Variants in DCDC1 observed in about 807,000 individuals in gnomAD.
DCDC1 encodes the protein doublecortin domain-containing protein 1.
DCDC1 carries 200 observed loss-of-function variants against 178.3 expected under a neutral mutation model. That is an observed-to-expected ratio of 1.12 (90% CI 1.00 to 1.26). The LOEUF is 1.26. Among genes scored for constraint, DCDC1 ranks in the 50% most tolerant of loss-of-function variants. The pLI is 0.00. For synonymous variants in DCDC1, 690 were observed against 604.8 expected (o/e 1.14, Z -2.07); for missense variants, 1,983 against 1,749.2 (o/e 1.13, Z -2.38).
At chr11:31,291,547 T>A (rs1401368723) in intron 6 of DCDC1, among the ~76,000 whole-genome samples, 8 of 152,082 alleles carry the variant, frequency 5.3e-5, no homozygotes, top group African/African-American at 1.9e-4. Context: ...TTCGAAAATG[T>A]AAGGGTAAGA....
At chr11:31,214,092 TA>T (rs1461775536) in intron 9 of DCDC1, among the ~76,000 whole-genome samples, 1 of 149,230 alleles carries the variant, frequency 6.7e-6, no homozygotes, top group East Asian at 2.1e-4. Context: ...AAAAGATGGA[TA>T]AAAACATTAA....
At chr11:31,268,224 T>C (rs962924958) in intron 7 of DCDC1, among the ~76,000 whole-genome samples, 2 of 152,226 alleles carry the variant, frequency 1.3e-5, no homozygotes, top group East Asian at 3.8e-4. Flanking sequence ...AATATCTAAG[T>C]ATCCTCTAAA....
rs1467783016 is a variant in DCDC1, at chr11:31,050,389, T to C, written c.2591+14080A>G. Among the ~76,000 whole-genome samples, 3 of 152,128 alleles carry C rather than the reference T, an allele frequency of 2.0e-5. No individual in the cohort carries two copies. The East Asian group carries it at 5.8e-4, about 29-fold the overall frequency. On this transcript the variant is annotated intron_variant, in intron 20 of 38. Coordinates refer to ENST00000684477, the MANE Select transcript of DCDC1 (RefSeq NM_001387274.1). Reference sequence around the variant, plus strand: ...GTCTGAGCTCAGACACGCCTACCCCTGCCCCCACCTGATGGTCCTTCCCTA... The same window carrying C: ...GTCTGAGCTCAGACACGCCTACCCCCGCCCCCACCTGATGGTCCTTCCCTA...
chr11:31,287,508 C>T (rs1336345287), intron 7 of DCDC1, among the ~76,000 whole-genome samples: 1 of 151,628 alleles, frequency 6.6e-6, no homozygotes, highest in Non-Finnish European at 1.5e-5. Context: ...CCTGAGTATC[C>T]AGCACATCTT....
Position 31,284,708 on chromosome 11 carries a change from G to A in DCDC1, c.960+5939C>T, listed in dbSNP as rs551436325. Among the ~76,000 whole-genome samples the A allele has an allele frequency of 6.6e-5, 10 of 151,244 alleles. No homozygotes were observed. The East Asian group carries it at 1.9e-3, about 29-fold the overall frequency. On this transcript the variant is annotated intron_variant, in intron 7 of 38. Coordinates refer to ENST00000684477, the MANE Select transcript of DCDC1 (RefSeq NM_001387274.1). ...GTCTGGAGTGCAGTGGCACGATCTT[G>A]GCTCACTGCAGCCTCTGCCTCTAAG...
At chr11:31,328,633 C>A (rs566787721) in intron 2 of DCDC1, among the ~76,000 whole-genome samples, 3 of 151,854 alleles carry the variant, frequency 2.0e-5, no homozygotes, top group African/African-American at 4.8e-5. Context: ...CCCGTCTCTA[C>A]TAAAAATACA....
intron 9 of DCDC1, among the ~76,000 whole-genome samples, chr11:31,227,149 T>A (rs578175293): frequency 6.6e-6 from 1 of 152,296 alleles, no homozygotes; most frequent in African/African-American, 2.4e-5. Context: ...TTAGGCCATT[T>A]TTGCATTGCT....
intron 13 of DCDC1, among the ~76,000 whole-genome samples, chr11:31,104,936 A>G (rs532865365): frequency 6.6e-6 from 1 of 152,242 alleles, no homozygotes; most frequent in African/African-American, 2.4e-5. Flanking sequence ...AGGAAAAATA[A>G]AATATTCAAA....
rs556553956 is a variant in DCDC1 at position 31,086,014 on chromosome 11, T to C, written c.2237+5379A>G. 2.0e-5 allele frequency among the ~76,000 whole-genome samples: 3 copies of C among 152,266 alleles called. No homozygotes were observed. In the South Asian group the frequency reaches 6.2e-4, roughly 32 times the overall value. The stretch of plus-strand genomic sequence containing the variant: ...TCCCAAAGTTCTGGGATTACAGGTG[T>C]GAGCCACTATGCCTGGCCACTATGA... On this transcript the variant is annotated intron_variant, in intron 17 of 38. Transcript: ENST00000684477.
intron 7 of DCDC1, among the ~76,000 whole-genome samples, chr11:31,285,861 A>G (rs1946782226): frequency 6.6e-6 from 1 of 151,982 alleles, no homozygotes; most frequent in Non-Finnish European, 1.5e-5. Context: ...GCTACACATA[A>G]CCACTCTTTT....
intron 38 of DCDC1, among the ~76,000 whole-genome samples, chr11:30,869,896 G>A: frequency 6.6e-6 from 1 of 152,064 alleles, no homozygotes; most frequent in Non-Finnish European, 1.5e-5. Flanking sequence ...GTGAGGAAGT[G>A]ACATGATATG....
At chr11:31,161,732 C>T (rs1162011431) in intron 9 of DCDC1, among the ~76,000 whole-genome samples, 1 of 152,182 alleles carries the variant, frequency 6.6e-6, no homozygotes, top group Non-Finnish European at 1.5e-5. Context: ...AAGTCATATA[C>T]AAGCAGTGGC....
intron 24 of DCDC1, among the ~76,000 whole-genome samples, 190 bp downstream of exon 24, chr11:30,922,313 C>T (rs1946303482): frequency 6.6e-6 from 1 of 152,198 alleles, no homozygotes. Flanking sequence ...GTTCTCTTTG[C>T]ACATTCAAAC....
At chr11:31,087,283 T>G (rs1446430346) in intron 17 of DCDC1, among the ~76,000 whole-genome samples, 1 of 152,098 alleles carries the variant, frequency 6.6e-6, no homozygotes, top group East Asian at 1.9e-4. Flanking sequence ...AGAGATTTAT[T>G]AGTTTTTTTT....
intron 37 of DCDC1, 147 bp downstream of exon 37, chr11:30,881,011 T>C: frequency 3.3e-6 from 3 of 906,198 alleles, no homozygotes; most frequent in Non-Finnish European, 4.8e-6. Flanking sequence ...CATAAATATA[T>C]AAATTTAACT....
At chr11:30,961,102 A>G (rs1448767228) in intron 20 of DCDC1, among the ~76,000 whole-genome samples, 2 of 152,164 alleles carry the variant, frequency 1.3e-5, no homozygotes, top group African/African-American at 4.8e-5. Context: ...GCTTTATTCA[A>G]TTAATCTTTT....
At chr11:31,249,782 G>A (rs1182191061) in intron 8 of DCDC1, among the ~76,000 whole-genome samples, 1 of 152,084 alleles carries the variant, frequency 6.6e-6, no homozygotes, top group Non-Finnish European at 1.5e-5. Context: ...AAATGCTAAG[G>A]AACTCAATGA....
intron 9 of DCDC1, among the ~76,000 whole-genome samples, chr11:31,145,540 C>A (rs1964348624): frequency 6.6e-6 from 1 of 152,144 alleles, no homozygotes; most frequent in African/African-American, 2.4e-5. Flanking sequence ...ATTCTGAATG[C>A]AGTTCTCAAG....
rs1940797005 is a variant in DCDC1, at chr11:30,863,618, A to G, written c.*1755T>C. On this transcript the variant is annotated 3_prime_UTR_variant, in exon 39 of 39. Coordinates refer to ENST00000684477, the MANE Select transcript of DCDC1 (RefSeq NM_001387274.1). ...CACCCACACATGCTAATAAATCTACATGGTTTATTGTTTTTGAATAAAACA... is the reference window on the plus strand; with the variant it reads ...CACCCACACATGCTAATAAATCTACGTGGTTTATTGTTTTTGAATAAAACA... The G allele has an allele frequency of 6.6e-6, 1 of 152,200 alleles. No homozygotes were observed. The allele number at this position is 152,200 out of a possible 1,614,324, so 9.4% of individuals were successfully genotyped here.
Sources: allele counts gnomAD v4.1 joint callset (sites outside exome capture counted in the v4.1 genomes callset), GRCh38; gene constraint gnomAD v4.1.1; transcripts MANE v1.5; gene names NCBI Gene and HGNC (gene_info 2026-07-23, HGNC 2026-07-21).